Variants in SH3BGRL2 observed in about 807,000 individuals in gnomAD.
SH3BGRL2 encodes the protein SH3 domain binding glutamate rich protein like 2.
Under a neutral mutation model 14.8 loss-of-function variants are expected in SH3BGRL2, and 21 were observed. The observed-to-expected ratio is 1.42, with a 90% CI of 1.01 to 2.05. SH3BGRL2 has a LOEUF of 2.05. SH3BGRL2 is among the 30% of genes most tolerant of loss of function. The pLI is 0.00. For missense variants in SH3BGRL2, 147 were observed against 130.8 expected, an observed-to-expected ratio of 1.12 and a Z score of -0.61; for synonymous variants, 50 against 47.8, an observed-to-expected ratio of 1.05 and a Z score of -0.19.
At chr6:79,696,328 G>A (rs1770331652) in intron 2 of SH3BGRL2, among the ~76,000 whole-genome samples, 157 bp from the exon 3 acceptor site, 1 of 152,180 alleles carries the variant, frequency 6.6e-6, no homozygotes, top group African/African-American at 2.4e-5. Context: ...ATTTTTACGT[G>A]CAAGCAGACT....
the SH3BGRL2 span, among the ~76,000 whole-genome samples, chr6:79,569,525 T>A: frequency 6.6e-6 from 1 of 152,278 alleles, no homozygotes; most frequent in African/African-American, 2.4e-5. Context: ...ATCGGTTATG[T>A]TAAGAGTCTG....
At chr6:79,617,364 G>T in the SH3BGRL2 span, among the ~76,000 whole-genome samples, 1 of 151,982 alleles carries the variant, frequency 6.6e-6, no homozygotes, top group Non-Finnish European at 1.5e-5. Context: ...ATTTTGTTCT[G>T]CCTCTCCTAA....
the SH3BGRL2 span, among the ~76,000 whole-genome samples, chr6:79,603,276 A>G: frequency 2.6e-5 from 4 of 152,186 alleles, no homozygotes; most frequent in African/African-American, 9.6e-5. Flanking sequence ...TCTAAGATGC[A>G]AGAACAATTT....
chr6:79,629,140 G>T (rs1272842237), upstream of SH3BGRL2, among the ~76,000 whole-genome samples: 1 of 152,178 alleles, frequency 6.6e-6, no homozygotes, highest in African/African-American at 2.4e-5. Context: ...CATAGTTTGA[G>T]GACCCTTAGA....
chr6:79,662,801 G>A (rs1457392076), intron 1 of SH3BGRL2, among the ~76,000 whole-genome samples: 2 of 152,036 alleles, frequency 1.3e-5, no homozygotes, highest in African/African-American at 4.8e-5. Flanking sequence ...CGTAGATTTG[G>A]TCTTTTCACA....
At chr6:79,618,895 T>C in the SH3BGRL2 span, among the ~76,000 whole-genome samples, 13,910 of 79,018 alleles carry the variant, frequency 0.18, 837 homozygotes, top group Non-Finnish European at 0.21. Context: ...CCAGCCTGGG[T>C]GACAGAGTGA....
chr6:79,586,213 T>G, the SH3BGRL2 span, among the ~76,000 whole-genome samples: 2 of 137,206 alleles, frequency 1.5e-5, no homozygotes, highest in Admixed American at 7.3e-5. Flanking sequence ...AAAAAAAAGC[T>G]ATAAGATTTA....
chr6:79,645,206 T>C (rs1225635270), intron 1 of SH3BGRL2, among the ~76,000 whole-genome samples: 1 of 151,540 alleles, frequency 6.6e-6, no homozygotes, highest in East Asian at 1.9e-4. Flanking sequence ...GCCTTAGGAA[T>C]ACCCCAAACT....
At chr6:79,591,034 C>G in the SH3BGRL2 span, among the ~76,000 whole-genome samples, 2 of 152,114 alleles carry the variant, frequency 1.3e-5, no homozygotes, top group Non-Finnish European at 2.9e-5. Context: ...ACTCTACTTA[C>G]AGATTAATTT....
At chr6:79,622,396 T>C in the SH3BGRL2 span, among the ~76,000 whole-genome samples, 3 of 152,224 alleles carry the variant, frequency 2.0e-5, no homozygotes, top group African/African-American at 7.2e-5. Context: ...TTTCCTAAAC[T>C]ATTACTTATT....
the SH3BGRL2 span, among the ~76,000 whole-genome samples, chr6:79,572,677 G>A: frequency 1.3e-5 from 2 of 152,098 alleles, no homozygotes; most frequent in Non-Finnish European, 1.5e-5. Context: ...GTGTTAGCCA[G>A]GATGGTCTCG....
In SH3BGRL2 at chr6:79,696,638, G is replaced by A. The variant is rs954996784; in HGVS notation, c.312+73G>A. ...ATTTTTCTTAGAGATGTAGAGTGAC[G>A]GTGTTAGAGGAATGCATATATAATT... On this transcript the variant is annotated intron_variant, in intron 3 of 3. Transcript: ENST00000369838. 1.7e-5 allele frequency: 19 copies of A among 1,100,108 alleles called. No homozygotes were observed. The African/African-American group carries it at 1.8e-4, about 10-fold the overall frequency. The allele number at this position is 1,100,108 out of a possible 1,614,324, so 68.1% of individuals were successfully genotyped here.
At chr6:79,663,958 G>A (rs1008171383) in intron 1 of SH3BGRL2, among the ~76,000 whole-genome samples, 6 of 152,240 alleles carry the variant, frequency 3.9e-5, no homozygotes, top group Admixed American at 2.0e-4. Context: ...CTACCAGGGC[G>A]TGGGGCCTGC....
the SH3BGRL2 span, among the ~76,000 whole-genome samples, chr6:79,582,173 A>T: frequency 1.3e-4 from 20 of 152,216 alleles, no homozygotes; most frequent in African/African-American, 4.8e-4. Flanking sequence ...ATGCTCATGG[A>T]TAGGAAGAAT....
At chr6:79,599,030 A>C in the SH3BGRL2 span, among the ~76,000 whole-genome samples, 6 of 151,200 alleles carry the variant, frequency 4.0e-5, no homozygotes, top group African/African-American at 1.5e-4. Context: ...GCAGTGAGCC[A>C]AGATTGCGCC....
chr6:79,588,024 T>G, the SH3BGRL2 span, among the ~76,000 whole-genome samples: 1 of 151,066 alleles, frequency 6.6e-6, no homozygotes, highest in Non-Finnish European at 1.5e-5. Context: ...CCGGGTGCGG[T>G]GGCTCATGGC....
chr6:79,597,517 G>GA, the SH3BGRL2 span, among the ~76,000 whole-genome samples: 2 of 151,946 alleles, frequency 1.3e-5, no homozygotes, highest in African/African-American at 4.8e-5. Context: ...AATTCAACGA[G>GA]AAAAAAATAG....
upstream of SH3BGRL2, among the ~76,000 whole-genome samples, chr6:79,629,437 TG>T (rs202054494): frequency 6.7e-6 from 1 of 149,192 alleles, no homozygotes; most frequent in African/African-American, 2.4e-5. Context: ...GTACAGGGCT[TG>T]GGGGACCCTT....
At chr6:79,652,822 T>A (rs976795810) in intron 1 of SH3BGRL2, among the ~76,000 whole-genome samples, 1 of 152,168 alleles carries the variant, frequency 6.6e-6, no homozygotes. Flanking sequence ...CCTGCTGATA[T>A]GTAACATAGT....
Sources: allele counts gnomAD v4.1 joint callset (sites outside exome capture counted in the v4.1 genomes callset), GRCh38; gene constraint gnomAD v4.1.1; transcripts MANE v1.5; gene names NCBI Gene and HGNC (gene_info 2026-07-23, HGNC 2026-07-21).